IFT74: variants seen among roughly 807,000 people sequenced by gnomAD.
IFT74 encodes the protein intraflagellar transport 74.
IFT74 carries 92 observed loss-of-function variants against 96.7 expected under a neutral mutation model. The ratio of observed to expected loss-of-function variants is 0.95; its 90% CI spans 0.80 to 1.13. The LOEUF (loss-of-function observed/expected upper bound fraction) is 1.13. IFT74 is among the 50% of genes most tolerant of loss of function. The pLI, the probability that IFT74 is intolerant of heterozygous loss-of-function variation, is 0.00. For missense variants in IFT74, 811 were observed against 698.2 expected, an observed-to-expected ratio of 1.16 and a Z score of -1.82; for synonymous variants, 223 against 213.2, an observed-to-expected ratio of 1.05 and a Z score of -0.40.
At chr9:27,015,110 T>C (rs1349046107) in intron 10 of IFT74, among the ~76,000 whole-genome samples, 2 of 152,200 alleles carry the variant, frequency 1.3e-5, no homozygotes, top group Non-Finnish European at 2.9e-5. Flanking sequence ...TTTATCAAGA[T>C]GAAATTCAAA....
chr9:26,972,086 C>G (rs781347518), intron 2 of IFT74, among the ~76,000 whole-genome samples: 13 of 152,098 alleles, frequency 8.5e-5, no homozygotes, highest in Non-Finnish European at 1.8e-4. Flanking sequence ...CTGGCCAGAC[C>G]TTTGTATGGT....
chr9:26,992,978 C>G (rs972632522), intron 8 of IFT74, among the ~76,000 whole-genome samples: 1 of 152,168 alleles, frequency 6.6e-6, no homozygotes, highest in South Asian at 2.1e-4. Flanking sequence ...TAAACAGCCT[C>G]AATATATTAC....
At position 27,011,456 on chromosome 9, in the gene IFT74, A is replaced by T. The variant is rs1372710951; in HGVS notation, c.727-450A>T. Among the ~76,000 whole-genome samples, 3 of 148,642 alleles carry T rather than the reference A, an allele frequency of 2.0e-5. No individual in the cohort carries two copies. In the South Asian group the frequency reaches 6.3e-4, roughly 31 times the overall value. On this transcript the variant is annotated intron_variant, in intron 9 of 19. Transcript: ENST00000380062. Reference sequence around the variant, plus strand: ...ATGTGTATGTATGTGTGCATGTGTTATATGTGTGTGTACACAGTATAGAGA... The same window carrying T: ...ATGTGTATGTATGTGTGCATGTGTTTTATGTGTGTGTACACAGTATAGAGA...
intron 1 of IFT74, among the ~76,000 whole-genome samples, chr9:26,960,660 G>T (rs1826314458): frequency 6.6e-6 from 1 of 152,136 alleles, no homozygotes; most frequent in Non-Finnish European, 1.5e-5. Context: ...TGATAAACTG[G>T]GAGAGAATGA....
chr9:26,999,524 T>C, intron 8 of IFT74: 2 of 952,586 alleles, frequency 2.1e-6, no homozygotes, highest in Non-Finnish European at 1.5e-6. Context: ...CAGATTTTCT[T>C]TGCTTTCTTA....
intron 12 of IFT74, among the ~76,000 whole-genome samples, chr9:27,021,000 C>T (rs532430181): frequency 5.9e-5 from 9 of 152,284 alleles, no homozygotes; most frequent in African/African-American, 1.9e-4. Context: ...TTAGCTCCCA[C>T]TTATAAATGA....
Position 27,055,844 on chromosome 9 carries a change from T to C in IFT74, c.1497+72T>C, listed in dbSNP as rs114082273. 7.3e-4 allele frequency: 713 copies of C among 976,932 alleles called. 3 individuals are homozygous for C. In the African/African-American group the frequency reaches 0.011, roughly 15 times the overall value. 60.5% of individuals were successfully genotyped at this position (976,932 alleles called of 1,614,324 possible). A position where few individuals can be genotyped will look rare whatever the true frequency, so the allele number is the denominator to read the frequency against. Reference sequence around the variant, plus strand: ...TTCTTGATCAAATGTAATATATTTGTGGTTTATAGGATTTATTATTTTAAG... The same window carrying C: ...TTCTTGATCAAATGTAATATATTTGCGGTTTATAGGATTTATTATTTTAAG... On this transcript the variant is annotated intron_variant, in intron 17 of 19. Transcript: ENST00000380062.
At chr9:26,974,738 A>T (rs1183561510) in intron 2 of IFT74, among the ~76,000 whole-genome samples, 1 of 152,142 alleles carries the variant, frequency 6.6e-6, no homozygotes, top group African/African-American at 2.4e-5. Context: ...CCTGGGATGG[A>T]TATTAACTCG....
rs1401287242 is a variant in IFT74 at position 27,029,024 on chromosome 9, G to A, written c.975-1G>A. The A allele has an allele frequency of 6.3e-7, 1 of 1,585,092 alleles. No individual in the cohort carries two copies. The highest frequency in any genetic ancestry group is 1.8e-5 in the Admixed American group (1 of 56,304). The stretch of plus-strand genomic sequence containing the variant: ...AAATTCATTAAAAATATTTTCAACA[G>A]GTTAACAGATACAAAAGAAAAGATA... On this transcript the variant is annotated splice_acceptor_variant, in intron 12 of 19. Coordinates refer to ENST00000380062, the MANE Select transcript of IFT74 (RefSeq NM_025103.4). LOFTEE classifies it high-confidence loss of function.
At chr9:26,960,329 T>C (rs1826301338) in intron 1 of IFT74, among the ~76,000 whole-genome samples, 1 of 152,328 alleles carries the variant, frequency 6.6e-6, no homozygotes, top group East Asian at 1.9e-4. Context: ...ATATTCTTTG[T>C]CTAGATAAGT....
Position 26,980,399 on chromosome 9 carries a change from G to A in IFT74, c.257-172G>A, listed in dbSNP as rs548847441. On this transcript the variant is annotated intron_variant, in intron 3 of 19. Coordinates refer to ENST00000380062, the MANE Select transcript of IFT74 (RefSeq NM_025103.4). The stretch of plus-strand genomic sequence containing the variant: ...TTTTAATTGAAGCTTCCCTTATGTT[G>A]TGATTCTAAGGTATTAGTTCTCTTT... Among the ~76,000 whole-genome samples the A allele has an allele frequency of 9.9e-5, 15 of 152,176 alleles. 1 individual carries two copies. The South Asian group carries it at 3.1e-3, about 32-fold the overall frequency.
At position 27,008,237 on chromosome 9, in the gene IFT74, A is replaced by G. The variant is rs1268558016; in HGVS notation, c.588-783A>G. 2.6e-5 allele frequency among the ~76,000 whole-genome samples: 4 copies of G among 152,056 alleles called. No individual in the cohort carries two copies. In the East Asian group the frequency reaches 7.7e-4, roughly 29 times the overall value. On this transcript the variant is annotated intron_variant, in intron 8 of 19. Transcript: ENST00000380062. ...ATCAAATTGCACTGCAGGCCTCTCT[A>G]CTCCCTAGTTCTGTCAGAGCCACAC...
At chr9:27,060,677 G>A in intron 19 of IFT74, 26 bp downstream of exon 19, 1 of 1,560,070 alleles carries the variant, frequency 6.4e-7, no homozygotes, top group Non-Finnish European at 8.8e-7. Context: ...CTGAAAATGG[G>A]GCCGGGTGCG....
At position 26,948,462 on chromosome 9, in the gene IFT74, T is replaced by A. The variant is rs1374484897; in HGVS notation, c.-20+1316T>A. Reference sequence around the variant, plus strand: ...GGCTTTCCATTATTTTTTTTTTTTTTTTTTTTTTTTTTTTTTTTTTTTTTT... The same window carrying A: ...GGCTTTCCATTATTTTTTTTTTTTTATTTTTTTTTTTTTTTTTTTTTTTTT... On this transcript the variant is annotated intron_variant, in intron 1 of 19. Transcript: ENST00000433700. Among the ~76,000 whole-genome samples the A allele has an allele frequency of 7.2e-3, 381 of 53,182 alleles. 6 individuals carry two copies. The highest frequency in any genetic ancestry group is 9.2e-3 in the Non-Finnish European group (291 of 31,694). 34.9% of individuals were successfully genotyped at this position (53,182 alleles called of 152,430 possible). A position where few individuals can be genotyped will look rare whatever the true frequency, so the allele number is the denominator to read the frequency against.
At chr9:26,982,882 G>A (rs958726743) in intron 4 of IFT74, among the ~76,000 whole-genome samples, 1 of 152,062 alleles carries the variant, frequency 6.6e-6, no homozygotes, top group African/African-American at 2.4e-5. Flanking sequence ...GTGAGCTGCC[G>A]CACTCGGCCT....
At chr9:26,961,091 T>TTG (rs983058373) in intron 1 of IFT74, among the ~76,000 whole-genome samples, 11 of 150,428 alleles carry the variant, frequency 7.3e-5, no homozygotes, top group African/African-American at 2.7e-4. Context: ...TTGTTTTTTT[T>TTG]TTTTTTTTTT....
rs772920018 is a variant in IFT74 at position 27,012,708 on chromosome 9, G to GTTTTTTTTTTTTTT, written c.789+754_789+767dup. Among the ~76,000 whole-genome samples the GTTTTTTTTTTTTTT allele has an allele frequency of 1.1e-4, 6 of 53,874 alleles. 1 individual carries two copies. Among genetic ancestry groups the GTTTTTTTTTTTTTT allele is most frequent in the African/African-American group, 4.9e-4 (6 of 12,198 alleles). The allele number at this position is 53,874 out of a possible 152,430, so 35.3% of individuals were successfully genotyped here. On this transcript the variant is annotated intron_variant, in intron 10 of 19. Transcript: ENST00000380062. ...GAACAAGAGGAAAGTAAAAATGTCTGTTTTTTTTTTTTTTTTTTTTTTTTT... is the reference window on the plus strand; with the variant it reads ...GAACAAGAGGAAAGTAAAAATGTCTGTTTTTTTTTTTTTTTTTTTTTTTTTTTTTTTTTTTTTTT...
chr9:26,998,091 G>T (rs1177706962), intron 8 of IFT74: 5 of 1,613,274 alleles, frequency 3.1e-6, no homozygotes, highest in South Asian at 1.1e-5. Context: ...ATCAAATAGA[G>T]CTCTGTGAGT....
Position 27,064,268 on chromosome 9 carries a change from T to G in IFT74, c.*1532T>G, listed in dbSNP as rs1384692538. Among the ~76,000 whole-genome samples, 1 of 152,100 alleles carries G rather than the reference T, an allele frequency of 6.6e-6. No homozygotes were observed. Among genetic ancestry groups the G allele is most frequent in the Non-Finnish European group, 1.5e-5 (1 of 67,964 alleles). Reference sequence around the variant, plus strand: ...GGCTCTATGGCCTTTTTCAGATGACTCCTGAGTATGTCTCTTTTTAGCCAC... The same window carrying G: ...GGCTCTATGGCCTTTTTCAGATGACGCCTGAGTATGTCTCTTTTTAGCCAC... On this transcript the variant is annotated 3_prime_UTR_variant, in exon 20 of 20. Coordinates refer to ENST00000380062, the MANE Select transcript of IFT74 (RefSeq NM_025103.4).
Sources: allele counts gnomAD v4.1 joint callset (sites outside exome capture counted in the v4.1 genomes callset), GRCh38; gene constraint gnomAD v4.1.1; transcripts MANE v1.5; gene names NCBI Gene and HGNC (gene_info 2026-07-23, HGNC 2026-07-21).